Variants in ELF2 observed in about 807,000 individuals in gnomAD.
ELF2 encodes ETS-related transcription factor Elf-2.
A neutral mutation model predicts 54.8 loss-of-function variants in ELF2; 11 were observed. The observed-to-expected ratio is 0.20, with a 90% CI of 0.13 to 0.33. ELF2 has a LOEUF of 0.33. ELF2 is among the 10% of genes least tolerant of loss of function. The pLI, the probability that ELF2 is intolerant of heterozygous loss-of-function variation, is 1.00. For missense variants in ELF2, 513 were observed against 703.0 expected, an observed-to-expected ratio of 0.73 and a Z score of 3.06; for synonymous variants, 203 against 245.1, an observed-to-expected ratio of 0.83 and a Z score of 1.61.
At chr4:139,149,961 G>A (rs548589903) in intron 1 of ELF2, among the ~76,000 whole-genome samples, 14 of 152,268 alleles carry the variant, frequency 9.2e-5, no homozygotes, top group Non-Finnish European at 1.3e-4. Flanking sequence ...TACGAAGGCC[G>A]AGGTGGGTGG....
chr4:139,116,455 G>A (rs1353332704), intron 4 of ELF2, among the ~76,000 whole-genome samples: 2 of 151,924 alleles, frequency 1.3e-5, no homozygotes, highest in East Asian at 1.9e-4. Flanking sequence ...TCTATAAAAA[G>A]AAACAAATAT....
intron 7 of ELF2, among the ~76,000 whole-genome samples, chr4:139,063,165 T>G (rs1483072898): frequency 6.6e-6 from 1 of 151,962 alleles, no homozygotes; most frequent in Non-Finnish European, 1.5e-5. Flanking sequence ...GGCTGAGGCA[T>G]GAGAATCGCT....
intron 7 of ELF2, among the ~76,000 whole-genome samples, chr4:139,064,335 G>C (rs1438020583): frequency 6.6e-6 from 1 of 152,090 alleles, no homozygotes; most frequent in Non-Finnish European, 1.5e-5. Flanking sequence ...GAACAGAAAA[G>C]AGTCCTGAGA....
intron 1 of ELF2, among the ~76,000 whole-genome samples, chr4:139,150,513 T>C: frequency 7.4e-6 from 1 of 134,288 alleles, no homozygotes; most frequent in South Asian, 2.4e-4. Flanking sequence ...AGTGAGACCC[T>C]GTCTCAAAAA....
intron 1 of ELF2, among the ~76,000 whole-genome samples, chr4:139,156,593 CATAG>C (rs1039813234): frequency 6.6e-6 from 1 of 151,548 alleles, no homozygotes; most frequent in Non-Finnish European, 1.5e-5. Context: ...CATGTTCATT[CATAG>C]ATATATATAT....
chr4:139,113,258 TA>T (rs1482285327), intron 4 of ELF2, among the ~76,000 whole-genome samples: 1 of 151,692 alleles, frequency 6.6e-6, no homozygotes, highest in African/African-American at 2.4e-5. Context: ...CTAGGGAGGC[TA>T]AGGTGGGAGG....
intron 4 of ELF2, among the ~76,000 whole-genome samples, chr4:139,080,932 G>C (rs539090609): frequency 6.8e-6 from 1 of 147,676 alleles, no homozygotes; most frequent in Non-Finnish European, 1.5e-5. Flanking sequence ...CATTCACATG[G>C]TGTAATATTA....
chr4:139,094,339 C>CCACAGATGACCATAGAT (rs1358303442), intron 4 of ELF2, among the ~76,000 whole-genome samples: 1 of 152,204 alleles, frequency 6.6e-6, no homozygotes, highest in Non-Finnish European at 1.5e-5. Context: ...CCAAAGCCAT[C>CCACAGATGACCATAGAT]ACAGCAGAGC....
At chr4:139,061,492 G>A (rs969231076) in intron 8 of ELF2, among the ~76,000 whole-genome samples, 2 of 151,962 alleles carry the variant, frequency 1.3e-5, no homozygotes, top group Non-Finnish European at 2.9e-5. Context: ...TAAAACTTAA[G>A]ATAAATTTTC....
At chr4:139,079,789 G>C (rs543718612) in intron 4 of ELF2, among the ~76,000 whole-genome samples, 8 of 152,322 alleles carry the variant, frequency 5.3e-5, no homozygotes, top group African/African-American at 1.9e-4. Context: ...GCTCACGCCT[G>C]TAATCCCAGC....
rs868457010 is a variant in ELF2, at chr4:139,067,700, T to C, written c.597A>G (p.Lys199=). The part of the protein sequence containing the change: ...NGSPELGIKK[K]PREGKGNTTY... ...CCAAATTACCTTTTCCTTCTCTTGG[T>C]TTCTTCTTTATACCTAACTCAGGAG... The change falls in exon 7 of 10, where the codon AAA becomes AAG. Residue 199 remains lysine (K), a synonymous_variant. Transcript: ENST00000686138. The C allele has an allele frequency of 1.1e-5, 18 of 1,611,832 alleles. No individual in the cohort carries two copies. The highest frequency in any genetic ancestry group is 1.7e-4 in the Middle Eastern group (1 of 6,054).
intron 4 of ELF2, among the ~76,000 whole-genome samples, chr4:139,092,243 C>T (rs958753011): frequency 2.0e-5 from 3 of 151,242 alleles, no homozygotes; most frequent in African/African-American, 7.3e-5. Context: ...GCGACTTAAT[C>T]CCAGCTATTT....
intron 1 of ELF2, among the ~76,000 whole-genome samples, chr4:139,173,180 C>T (rs1279639353): frequency 2.0e-5 from 3 of 151,812 alleles, no homozygotes; most frequent in South Asian, 2.1e-4. Context: ...TGGAAATGTT[C>T]GAAAACTAGC....
intron 4 of ELF2, among the ~76,000 whole-genome samples, chr4:139,105,677 G>C (rs112612625): frequency 4.6e-4 from 70 of 152,268 alleles, no homozygotes; most frequent in Non-Finnish European, 8.4e-4. Flanking sequence ...TTGAGGCCAG[G>C]AGTTTGAGAC....
chr4:139,139,786 G>T (rs1360518534), intron 1 of ELF2, among the ~76,000 whole-genome samples: 1 of 151,874 alleles, frequency 6.6e-6, no homozygotes, highest in Non-Finnish European at 1.5e-5. Flanking sequence ...TTTCAAACAG[G>T]TTCTTTTTTT....
At position 139,129,697 on chromosome 4, in the gene ELF2, G is replaced by C. The variant is rs548137736; in HGVS notation, c.73-4368C>G. On this transcript the variant is annotated intron_variant, in intron 3 of 9. Transcript: ENST00000686138. ...AGTATAAGTACAAAGCACAGAGTAA[G>C]TTATTCAATTAGTGACAGCTGATAT... 4.1e-4 allele frequency among the ~76,000 whole-genome samples: 62 copies of C among 152,290 alleles called. 1 individual carries two copies. The highest frequency in any genetic ancestry group is 3.4e-3 in the Middle Eastern group (1 of 294).
chr4:139,060,658 C>T lies in ELF2; in HGVS notation c.823G>A (p.Gly275Arg). 1.3e-6 allele frequency: 2 copies of T among 1,591,940 alleles called. No homozygotes were observed. The highest frequency in any genetic ancestry group is 1.7e-6 in the Non-Finnish European group (2 of 1,168,816). ...TGTCCTTCAACCTTTGCAAGAATTCCCCTTTGGTAGTAGTATCTGTAAGGG... is the reference window on the plus strand; with the variant it reads ...TGTCCTTCAACCTTTGCAAGAATTCTCCTTTGGTAGTAGTATCTGTAAGGG... ...GRALRYYYQR[G>R]ILAKVEGQRL... The change falls in exon 9 of 10, where the codon GGA (glycine) becomes AGA (arginine). Residue 275 changes from glycine (G) to arginine (R), a missense_variant. Physicochemically the swap from Gly to Arg is moderately radical, Grantham distance 125 (BLOSUM62 -2). Coordinates refer to ENST00000686138, the MANE Select transcript of ELF2 (RefSeq NM_001331036.3).
chr4:139,169,025 C>T (rs956543736), intron 1 of ELF2, among the ~76,000 whole-genome samples: 2 of 152,114 alleles, frequency 1.3e-5, no homozygotes, highest in African/African-American at 4.8e-5. Flanking sequence ...AACTATTGCC[C>T]GGGCATGGTG....
intron 4 of ELF2, among the ~76,000 whole-genome samples, chr4:139,076,455 T>A (rs1366684941): frequency 6.6e-6 from 1 of 152,064 alleles, no homozygotes; most frequent in Non-Finnish European, 1.5e-5. Flanking sequence ...AAAAAAAACC[T>A]TCAATTCTCC....
Sources: gnomAD v4.1 joint callset for allele counts (sites outside exome capture counted in the v4.1 genomes callset) on GRCh38, gnomAD v4.1.1 for gene constraint, MANE v1.5 for transcripts, NCBI Gene and HGNC (gene_info 2026-07-23, HGNC 2026-07-21) for gene names.